The following C10orf67 variants were observed in gnomAD, a reference collection of about 807,000 sequenced individuals.
C10orf67 encodes the protein uncharacterized protein C10orf67, mitochondrial.
A neutral mutation model predicts 35.6 loss-of-function variants in C10orf67; 60 were observed. That is an observed-to-expected ratio of 1.68 (90% CI 1.37 to 2.09). C10orf67 has a LOEUF of 2.09. Ranked by LOEUF, C10orf67 falls within the 30% of genes most tolerant of loss-of-function variation. C10orf67 has a pLI of 0.00. For missense variants in C10orf67, 474 were observed against 330.2 expected, an observed-to-expected ratio of 1.44 and a Z score of -3.38; for synonymous variants, 167 against 115.8, an observed-to-expected ratio of 1.44 and a Z score of -2.84.
At chr10:23,248,520 A>T (rs993664291) in intron 12 of C10orf67, among the ~76,000 whole-genome samples, 1 of 152,150 alleles carries the variant, frequency 6.6e-6, no homozygotes, top group African/African-American at 2.4e-5. Flanking sequence ...ATTGACTGAG[A>T]AATCATTGGA....
intron 1 of C10orf67, chr10:23,344,125 G>A: frequency 5.5e-6 from 1 of 180,514 alleles, no homozygotes; most frequent in Non-Finnish European, 1.1e-5. Flanking sequence ...GTGGGCGGGG[G>A]CCGGGGAGGG....
chr10:23,224,663 T>C (rs1841684942), intron 13 of C10orf67, among the ~76,000 whole-genome samples: 1 of 151,972 alleles, frequency 6.6e-6, no homozygotes, highest in Non-Finnish European at 1.5e-5. Context: ...CTAGAATAAC[T>C]AGTGTAGAGA....
intron 15 of C10orf67, among the ~76,000 whole-genome samples, chr10:23,213,221 G>A (rs1841355667): frequency 6.6e-6 from 1 of 152,134 alleles, no homozygotes; most frequent in African/African-American, 2.4e-5. Context: ...AGAAAAATTA[G>A]AAAATGTAGA....
Position 23,328,069 on chromosome 10 carries a change from A to G in C10orf67, c.327+4993T>C, listed in dbSNP as rs184846409. ...ACAAATGAAAAATTCGAGTATTTAA[A>G]TTTAAATACTAATAAAAATACTATA... On this transcript the variant is annotated intron_variant, in intron 2 of 15. Transcript: ENST00000636213. 9.2e-5 allele frequency among the ~76,000 whole-genome samples: 14 copies of G among 152,312 alleles called. No individual in the cohort carries two copies. In the East Asian group the frequency reaches 2.5e-3, roughly 27 times the overall value.
intron 4 of C10orf67, among the ~76,000 whole-genome samples, chr10:23,304,337 C>A (rs868772100): frequency 3.9e-5 from 6 of 152,334 alleles, no homozygotes; most frequent in South Asian, 2.1e-4. Flanking sequence ...GCCCCAAAGG[C>A]AGGCCCACTG....
chr10:23,322,356 C>T (rs764760160), intron 3 of C10orf67, 38 bp downstream of exon 3: 3 of 1,589,908 alleles, frequency 1.9e-6, no homozygotes, highest in South Asian at 2.2e-5. Flanking sequence ...AGCACAGTAT[C>T]AATCCACATA....
At position 23,210,216 on chromosome 10, in the gene C10orf67, A is replaced by G. The variant is rs887835428; in HGVS notation, c.1571-5961T>C. ...AGCAAGCAGGTTCTGATTTCCCTCA[A>G]GCAGGTTCACATCAAAAGGAAGGAG... On this transcript the variant is annotated intron_variant, in intron 15 of 15. Coordinates refer to ENST00000636213, the MANE Select transcript of C10orf67 (RefSeq NM_001371909.1). Among the ~76,000 whole-genome samples, 4 of 152,124 alleles carry G rather than the reference A, an allele frequency of 2.6e-5. No homozygotes were observed. In the East Asian group the frequency reaches 7.7e-4, roughly 29 times the overall value.
At chr10:23,314,527 CAA>C (rs1491187381) in intron 4 of C10orf67, among the ~76,000 whole-genome samples, 8 of 139,688 alleles carry the variant, frequency 5.7e-5, no homozygotes, top group Non-Finnish European at 1.3e-4. Context: ...CACACACACA[CAA>C]ACTTATTATC....
chr10:23,288,001 A>C (rs758738313), intron 7 of C10orf67, among the ~76,000 whole-genome samples: 6 of 152,006 alleles, frequency 3.9e-5, no homozygotes, highest in Non-Finnish European at 7.3e-5. Context: ...AGAAATAGGA[A>C]CACTTTTACA....
At chr10:23,252,415 T>C (rs761572790) in intron 10 of C10orf67, among the ~76,000 whole-genome samples, 5 of 152,244 alleles carry the variant, frequency 3.3e-5, no homozygotes, top group Admixed American at 6.5e-5. Flanking sequence ...TAAATTTTTG[T>C]CTGTTCCCTG....
rs1264699325 is a variant in C10orf67 at position 23,333,080 on chromosome 10, A to G, written c.309T>C (p.Ser103=). 6.2e-7 allele frequency: 1 copy of G among 1,612,406 alleles called. No individual in the cohort carries two copies. The highest frequency in any genetic ancestry group is 1.3e-5 in the African/African-American group (1 of 75,046). ...EILSVKELSS[S]TQKLAQMMKS... ...GATTTACCTGTGCTAACTTTTGCGT[A>G]GATGAACTCAATTCTTTTACTGACA... The change falls in exon 2 of 16, where the codon TCT becomes TCC. Residue 103 remains serine (S), a synonymous_variant. Transcript: ENST00000636213.
At chr10:23,286,830 C>A (rs1209855307) in intron 7 of C10orf67, among the ~76,000 whole-genome samples, 1 of 152,162 alleles carries the variant, frequency 6.6e-6, no homozygotes, top group South Asian at 2.1e-4. Flanking sequence ...AAAATGAACT[C>A]CCCTTGTGAA....
At chr10:23,333,739 T>A (rs1023479273) in intron 1 of C10orf67, among the ~76,000 whole-genome samples, 24 of 152,350 alleles carry the variant, frequency 1.6e-4, no homozygotes, top group African/African-American at 5.1e-4. Context: ...TCTCTTCCAT[T>A]AAGCCAGGCA....
At chr10:23,209,766 G>A (rs769420954) in intron 15 of C10orf67, among the ~76,000 whole-genome samples, 16 of 152,052 alleles carry the variant, frequency 1.1e-4, no homozygotes, top group Admixed American at 2.6e-4. Flanking sequence ...TTGGGAGGCC[G>A]AGGCATGTGG....
chr10:23,274,995 G>A (rs1843144341), intron 8 of C10orf67, among the ~76,000 whole-genome samples: 1 of 152,124 alleles, frequency 6.6e-6, no homozygotes, highest in African/African-American at 2.4e-5. Context: ...TCTGTTCGGG[G>A]TCCCTGACTT....
intron 10 of C10orf67, among the ~76,000 whole-genome samples, chr10:23,257,269 G>A (rs1842627376): frequency 6.6e-6 from 1 of 152,152 alleles, no homozygotes; most frequent in South Asian, 2.1e-4. Context: ...TGGGGCCTGA[G>A]CACACAACAC....
intron 10 of C10orf67, among the ~76,000 whole-genome samples, chr10:23,253,767 AG>A (rs1842528032): frequency 6.6e-6 from 1 of 152,170 alleles, no homozygotes; most frequent in South Asian, 2.1e-4. Context: ...TAATAACTAG[AG>A]ATAAGTCTGT....
chr10:23,279,942 A>G (rs1236271798), intron 8 of C10orf67, among the ~76,000 whole-genome samples: 1 of 152,112 alleles, frequency 6.6e-6, no homozygotes, highest in Non-Finnish European at 1.5e-5. Context: ...TCAAACTCCT[A>G]GGCTCAAGTG....
intron 13 of C10orf67, among the ~76,000 whole-genome samples, chr10:23,235,755 T>C (rs1478946192): frequency 6.6e-6 from 1 of 152,196 alleles, no homozygotes; most frequent in African/African-American, 2.4e-5. Flanking sequence ...ATGCTCAACG[T>C]CATTAATTAG....
Sources: gnomAD v4.1 joint callset for allele counts (sites outside exome capture counted in the v4.1 genomes callset) on GRCh38, gnomAD v4.1.1 for gene constraint, MANE v1.5 for transcripts, NCBI Gene and HGNC (gene_info 2026-07-23, HGNC 2026-07-21) for gene names.